Variants in MGAT4C observed in about 807,000 individuals in gnomAD.
The protein encoded by MGAT4C is MGAT4 family member C.
In MGAT4C, 19 loss-of-function variants were observed where a neutral mutation model predicts 40.1. The observed-to-expected ratio is 0.47, with a 90% CI of 0.33 to 0.70. MGAT4C has a LOEUF of 0.70. Ranked by LOEUF, MGAT4C falls within the 30% of genes least tolerant of loss-of-function variation. The probability of loss-of-function intolerance (pLI) is 0.02; values close to 1 mark genes in which losing one functional copy is unlikely to be tolerated. For synonymous variants in MGAT4C, 181 were observed against 187.1 expected (o/e 0.97, Z 0.27); for missense variants, 491 against 563.2 (o/e 0.87, Z 1.30).
chr12:86,362,269 TAGG>T (rs1566322999), intron 3 of MGAT4C, among the ~76,000 whole-genome samples: 1 of 152,104 alleles, frequency 6.6e-6, no homozygotes, highest in Non-Finnish European at 1.5e-5. Flanking sequence ...TTCTCACTCA[TAGG>T]TGTGAATTGA....
intron 2 of MGAT4C, among the ~76,000 whole-genome samples, chr12:86,643,191 G>A (rs1354304129): frequency 6.6e-6 from 1 of 151,696 alleles, no homozygotes; most frequent in Admixed American, 6.6e-5. Flanking sequence ...CCACTGCTGT[G>A]ATAATGAACC....
intron 2 of MGAT4C, among the ~76,000 whole-genome samples, chr12:86,654,480 T>C (rs1427707890): frequency 1.3e-5 from 2 of 151,980 alleles, no homozygotes; most frequent in Non-Finnish European, 1.5e-5. Context: ...GAAAAAGTTT[T>C]ACTTCAAAAC....
chr12:86,084,497 C>T (rs183492230), intron 1 of MGAT4C, among the ~76,000 whole-genome samples: 38 of 151,676 alleles, frequency 2.5e-4, no homozygotes, highest in African/African-American at 9.2e-4. Context: ...ACTTAATTGC[C>T]TTTTTGCCAT....
rs375256721 is a variant in MGAT4C at position 86,446,030 on chromosome 12, A to G, written c.-228-10765T>C. 1.2e-4 allele frequency among the ~76,000 whole-genome samples: 19 copies of G among 152,224 alleles called. No individual in the cohort carries two copies. The South Asian group carries it at 3.9e-3, about 32-fold the overall frequency. On this transcript the variant is annotated intron_variant, in intron 2 of 7. Transcript: ENST00000548651. ...TCACTTAAGAATTTGCAATTTCTGA[A>G]TATGTGTTATGCTTCAGTAAAACTT...
chr12:86,318,783 A>G (rs1954306097), intron 4 of MGAT4C, among the ~76,000 whole-genome samples: 1 of 152,190 alleles, frequency 6.6e-6, no homozygotes, highest in Non-Finnish European at 1.5e-5. Flanking sequence ...TTTAAGTGGC[A>G]CAAACTTTCA....
chr12:86,584,778 T>C (rs1230299143), intron 2 of MGAT4C, among the ~76,000 whole-genome samples: 1 of 151,354 alleles, frequency 6.6e-6, no homozygotes, highest in African/African-American at 2.4e-5. Flanking sequence ...ATATCATCAA[T>C]CTCAGATTTC....
chr12:86,526,673 G>T (rs1472006199), intron 2 of MGAT4C, among the ~76,000 whole-genome samples: 1 of 152,196 alleles, frequency 6.6e-6, no homozygotes, highest in Non-Finnish European at 1.5e-5. Flanking sequence ...CAGAGTTCAG[G>T]TCTGACAGTT....
In MGAT4C at chr12:86,462,681, C is replaced by T. The variant is rs373989794; in HGVS notation, c.-228-27416G>A. ...AGCCTTCAGTCTATAGCTGAAGGCC[C>T]GAGAGGCCCTGGCAAGCCACTAGTG... is the stretch of plus-strand genomic sequence containing the variant. On this transcript the variant is annotated intron_variant, in intron 2 of 7. Coordinates refer to the MGAT4C transcript ENST00000548651. Among the ~76,000 whole-genome samples the T allele has an allele frequency of 2.8e-4, 43 of 152,118 alleles. No homozygotes were observed. In the South Asian group the frequency reaches 4.1e-3, roughly 15 times the overall value.
intron 2 of MGAT4C, among the ~76,000 whole-genome samples, chr12:86,665,700 AT>A (rs1964088895): frequency 1.3e-5 from 2 of 152,198 alleles, no homozygotes; most frequent in Admixed American, 1.3e-4. Flanking sequence ...TATACAAAAT[AT>A]ACAATATTTT....
intron 4 of MGAT4C, among the ~76,000 whole-genome samples, chr12:86,267,493 AACAG>A (rs1158002655): frequency 5.9e-5 from 9 of 152,170 alleles, no homozygotes; most frequent in African/African-American, 9.7e-5. Flanking sequence ...AAGACGCAAA[AACAG>A]ACAGAAAGAA....
intron 1 of MGAT4C, among the ~76,000 whole-genome samples, chr12:86,753,271 G>A (rs541551736): frequency 2.0e-5 from 3 of 152,200 alleles, no homozygotes; most frequent in South Asian, 2.1e-4. Flanking sequence ...GTGGAAAACC[G>A]CTTAAAGGCA....
intron 1 of MGAT4C, among the ~76,000 whole-genome samples, chr12:86,220,350 T>C (rs1302296323): frequency 3.9e-5 from 6 of 152,228 alleles, no homozygotes; most frequent in Admixed American, 1.3e-4. Flanking sequence ...TAAGATTTCA[T>C]GATCAATAGC....
rs183496212 is a variant in MGAT4C, at chr12:86,036,138, T to C, written c.-7+13536A>G. Reference sequence around the variant, plus strand: ...AAAGTCAATGGTCGCTTGCTGGGGATAGCATCGAATCTATAAATTACTTTA... The same window carrying C: ...AAAGTCAATGGTCGCTTGCTGGGGACAGCATCGAATCTATAAATTACTTTA... On this transcript the variant is annotated intron_variant, in intron 2 of 4. Transcript: ENST00000611864. Among the ~76,000 whole-genome samples the C allele has an allele frequency of 8.3e-4, 124 of 150,234 alleles. 10 individuals carry two copies. Among genetic ancestry groups the C allele is most frequent in the Non-Finnish European group, 1.4e-3 (96 of 66,892 alleles).
At chr12:86,267,005 T>G (rs148173007) in intron 4 of MGAT4C, among the ~76,000 whole-genome samples, 6 of 151,014 alleles carry the variant, frequency 4.0e-5, no homozygotes, top group Admixed American at 3.9e-4. Context: ...TTTTATTGTC[T>G]CCTGTCTCTT....
At position 86,670,951 on chromosome 12, in the gene MGAT4C, T is replaced by C. The variant is rs1232096324; in HGVS notation, c.-229+56258A>G. Among the ~76,000 whole-genome samples, 3 of 152,356 alleles carry C rather than the reference T, an allele frequency of 2.0e-5. No individual in the cohort carries two copies. The South Asian group carries it at 6.2e-4, about 32-fold the overall frequency. On this transcript the variant is annotated intron_variant, in intron 2 of 7. Coordinates refer to the MGAT4C transcript ENST00000548651. ...GAAACAAAAGACTTCATTCTATTTA[T>C]ACCATTCTATTTTTTTGTCAACTTC... is the stretch of plus-strand genomic sequence containing the variant.
chr12:86,264,607 C>G (rs1249030155), intron 4 of MGAT4C, among the ~76,000 whole-genome samples: 1 of 152,154 alleles, frequency 6.6e-6, no homozygotes, highest in Non-Finnish European at 1.5e-5. Flanking sequence ...GCTGTGTGTG[C>G]GGACCCGGGC....
At chr12:86,440,872 C>T (rs1957215427) in intron 2 of MGAT4C, among the ~76,000 whole-genome samples, 1 of 151,826 alleles carries the variant, frequency 6.6e-6, no homozygotes, top group Non-Finnish European at 1.5e-5. Context: ...ATCCCTTTTA[C>T]AATAACTAAA....
intron 1 of MGAT4C, among the ~76,000 whole-genome samples, chr12:86,231,391 A>C (rs1391659282): frequency 6.6e-6 from 1 of 152,170 alleles, no homozygotes; most frequent in Non-Finnish European, 1.5e-5. Context: ...GTACCTAACC[A>C]GTGGGTTACC....
At chr12:86,409,582 C>G (rs1592807545) in intron 3 of MGAT4C, among the ~76,000 whole-genome samples, 1 of 152,152 alleles carries the variant, frequency 6.6e-6, no homozygotes, top group African/African-American at 2.4e-5. Context: ...TTCAGCCCAG[C>G]AACTACCTGT....
Sources: gnomAD v4.1 joint callset for allele counts (sites outside exome capture counted in the v4.1 genomes callset) on GRCh38, gnomAD v4.1.1 for gene constraint, MANE v1.5 for transcripts, NCBI Gene and HGNC (gene_info 2026-07-23, HGNC 2026-07-21) for gene names.